THSD7B: variants seen among roughly 807,000 people sequenced by gnomAD.
THSD7B encodes the protein thrombospondin type 1 domain containing 7B.
In THSD7B, 138 loss-of-function variants were observed where a neutral mutation model predicts 213.6. The observed-to-expected ratio is 0.65, with a 90% CI of 0.56 to 0.74. The LOEUF is 0.74. Ranked by LOEUF, THSD7B falls within the 30% of genes least tolerant of loss-of-function variation. The probability of loss-of-function intolerance (pLI) is 0.00; values close to 1 mark genes in which losing one functional copy is unlikely to be tolerated. For missense variants in THSD7B, 1,931 were observed against 1,991.5 expected (o/e 0.97, Z 0.58); for synonymous variants, 742 against 687.0 (o/e 1.08, Z -1.25).
intron 20 of THSD7B, among the ~76,000 whole-genome samples, chr2:137,627,240 A>T (rs1682648810): frequency 6.6e-6 from 1 of 152,200 alleles, no homozygotes; most frequent in Admixed American, 6.5e-5. Flanking sequence ...TAATTTATTA[A>T]CGAGGAATCC....
intron 12 of THSD7B, among the ~76,000 whole-genome samples, chr2:137,380,078 G>T (rs138044412): frequency 2.6e-5 from 4 of 152,250 alleles, no homozygotes; most frequent in South Asian, 2.1e-4. Flanking sequence ...ATTGCTTCTG[G>T]TAGACAGTTT....
chr2:136,832,867 C>G (rs1343643495), intron 1 of THSD7B, among the ~76,000 whole-genome samples: 2 of 152,154 alleles, frequency 1.3e-5, no homozygotes, highest in Non-Finnish European at 1.5e-5. Flanking sequence ...TTCTACCACT[C>G]TTGAAGCCTG....
intron 2 of THSD7B, among the ~76,000 whole-genome samples, chr2:136,992,156 G>T (rs921499273): frequency 5.9e-5 from 9 of 152,160 alleles, no homozygotes; most frequent in Non-Finnish European, 1.2e-4. Flanking sequence ...ATGCATTTCA[G>T]ATCAACCAAG....
At chr2:137,098,423 C>T (rs1475298075) in intron 4 of THSD7B, among the ~76,000 whole-genome samples, 2 of 152,018 alleles carry the variant, frequency 1.3e-5, no homozygotes, top group Non-Finnish European at 2.9e-5. Context: ...AGTGAAAATA[C>T]ACCAAATAAA....
At chr2:137,292,718 T>C (rs981724998) in intron 12 of THSD7B, among the ~76,000 whole-genome samples, 1 of 152,150 alleles carries the variant, frequency 6.6e-6, no homozygotes, top group African/African-American at 2.4e-5. Context: ...TAACTACCCA[T>C]ATTTGTTGGG....
intron 5 of THSD7B, among the ~76,000 whole-genome samples, chr2:137,115,949 A>C (rs1371985187): frequency 6.6e-6 from 1 of 152,188 alleles, no homozygotes; most frequent in Non-Finnish European, 1.5e-5. Context: ...CTCTAGAAGA[A>C]TTTGTGACCT....
chr2:137,230,989 C>A, intron 7 of THSD7B, 55 bp from the exon 8 acceptor site: 1 of 1,518,298 alleles, frequency 6.6e-7, no homozygotes, highest in South Asian at 1.2e-5. Flanking sequence ...ATAGATAAAG[C>A]AGTGAGGCTT....
chr2:136,888,258 G>T (rs1683752958), intron 2 of THSD7B, among the ~76,000 whole-genome samples: 1 of 151,964 alleles, frequency 6.6e-6, no homozygotes, highest in Non-Finnish European at 1.5e-5. Context: ...TGAGGATAAT[G>T]ACCTGTTTCT....
chr2:137,308,938 A>G (rs1165466492), intron 12 of THSD7B, among the ~76,000 whole-genome samples: 4 of 152,118 alleles, frequency 2.6e-5, no homozygotes, highest in Non-Finnish European at 5.9e-5. Flanking sequence ...GCTGAATGAT[A>G]TGACATTGTT....
chr2:136,953,991 A>C (rs1437355077), intron 2 of THSD7B, among the ~76,000 whole-genome samples: 1 of 152,224 alleles, frequency 6.6e-6, no homozygotes, highest in African/African-American at 2.4e-5. Flanking sequence ...TTTATTTTAG[A>C]GTCACATTCT....
chr2:137,099,975 T>C (rs1688119422), intron 4 of THSD7B, among the ~76,000 whole-genome samples: 1 of 152,248 alleles, frequency 6.6e-6, no homozygotes, highest in South Asian at 2.1e-4. Flanking sequence ...TTTGTGCAAA[T>C]TTATGCTGAG....
At chr2:137,635,717 GTTTC>G (rs1262708361) in intron 20 of THSD7B, among the ~76,000 whole-genome samples, 1 of 151,222 alleles carries the variant, frequency 6.6e-6, no homozygotes, top group East Asian at 1.9e-4. Context: ...TATTCCGCAA[GTTTC>G]TTTTTTTTTT....
intron 3 of THSD7B, among the ~76,000 whole-genome samples, chr2:137,060,245 G>A (rs542741444): frequency 6.6e-6 from 1 of 151,998 alleles, no homozygotes; most frequent in African/African-American, 2.4e-5. Flanking sequence ...AGAGTTATTT[G>A]TATATTTTGG....
At chr2:137,624,316 C>T (rs1389790475) in intron 20 of THSD7B, among the ~76,000 whole-genome samples, 7 of 152,196 alleles carry the variant, frequency 4.6e-5, no homozygotes, top group African/African-American at 1.7e-4. Context: ...ACACCTTATA[C>T]AAAAATCAAT....
intron 14 of THSD7B, among the ~76,000 whole-genome samples, chr2:137,414,666 G>C (rs1378924235): frequency 1.3e-5 from 2 of 152,112 alleles, no homozygotes; most frequent in Admixed American, 1.3e-4. Context: ...GCTTCAGTGA[G>C]CCATGATTGT....
chr2:137,366,475 T>G (rs1685410683), intron 12 of THSD7B, among the ~76,000 whole-genome samples: 1 of 152,126 alleles, frequency 6.6e-6, no homozygotes, highest in Non-Finnish European at 1.5e-5. Flanking sequence ...TATTCAGACT[T>G]TTGGGAAGGA....
chr2:137,092,117 T>C (rs904128575), intron 3 of THSD7B, among the ~76,000 whole-genome samples: 1 of 152,180 alleles, frequency 6.6e-6, no homozygotes, highest in Non-Finnish European at 1.5e-5. Context: ...AAATAGATTT[T>C]AAAAAAATAA....
intron 2 of THSD7B, among the ~76,000 whole-genome samples, chr2:137,021,323 A>T (rs1463327910): frequency 6.6e-6 from 1 of 152,192 alleles, no homozygotes; most frequent in East Asian, 1.9e-4. Flanking sequence ...TTTTATTTGT[A>T]TAAATGTAAG....
intron 14 of THSD7B, among the ~76,000 whole-genome samples, chr2:137,412,890 TTTC>T (rs1686700375): frequency 6.9e-6 from 1 of 145,594 alleles, no homozygotes; most frequent in African/African-American, 2.7e-5. Flanking sequence ...TTTTTCTTTC[TTTC>T]TTTTTTTTTT....
Sources: allele counts gnomAD v4.1 joint callset (sites outside exome capture counted in the v4.1 genomes callset), GRCh38; gene constraint gnomAD v4.1.1; transcripts MANE v1.5; gene names NCBI Gene and HGNC (gene_info 2026-07-23, HGNC 2026-07-21).